Variants in PKN2 observed in about 807,000 individuals in gnomAD.
PKN2 encodes the protein protein kinase N2.
Under a neutral mutation model 119.1 loss-of-function variants are expected in PKN2, and 38 were observed. The observed-to-expected ratio is 0.32, with a 90% CI of 0.25 to 0.42. PKN2 has a LOEUF of 0.42. Among genes scored for constraint, PKN2 ranks in the 10% least tolerant of loss-of-function variants. PKN2 has a pLI of 1.00. For missense variants in PKN2, 850 were observed against 1,165.1 expected (o/e 0.73, Z 3.94); for synonymous variants, 390 against 384.9 (o/e 1.01, Z -0.15).
In PKN2 at chr1:88,786,121, T is replaced by C; in HGVS notation, c.1189T>C (p.Leu397=). 6.2e-7 allele frequency: 1 copy of C among 1,609,322 alleles called. No individual in the cohort carries two copies. Among genetic ancestry groups the C allele is most frequent in the Non-Finnish European group, 8.5e-7 (1 of 1,175,818 alleles). The change falls in exon 8 of 22, where the codon TTG becomes CTG. Residue 397 remains leucine (L), a synonymous_variant. Transcript: ENST00000370521. ...DDLSNDVCAV[L]KLDNTVVGQT... ...AATTACAGATGATGTCTGTGCTGTT[T>C]TGAAGCTCGATAATACTGTGGTTGG... is the stretch of plus-strand genomic sequence containing the variant.
chr1:88,767,994 C>T (rs868245962), intron 3 of PKN2, among the ~76,000 whole-genome samples: 1 of 152,198 alleles, frequency 6.6e-6, no homozygotes. Context: ...CTATTTTATC[C>T]AAATTAGTAC....
intron 13 of PKN2, 29 bp downstream of exon 13, chr1:88,807,472 TAC>T: frequency 6.2e-7 from 1 of 1,605,404 alleles, no homozygotes; most frequent in Non-Finnish European, 8.5e-7. Flanking sequence ...ATTTTGCGAC[TAC>T]ATGTTTGGTA....
chr1:88,716,198 G>T (rs1209856420), intron 1 of PKN2, among the ~76,000 whole-genome samples: 1 of 152,184 alleles, frequency 6.6e-6, no homozygotes, highest in Non-Finnish European at 1.5e-5. Context: ...TTGCTGAGGA[G>T]TGCTTTACTT....
chr1:88,767,863 C>T (rs934544338), intron 3 of PKN2, among the ~76,000 whole-genome samples: 3 of 152,074 alleles, frequency 2.0e-5, no homozygotes, highest in African/African-American at 7.2e-5. Flanking sequence ...CAATCTCTTT[C>T]TTCTTTATTC....
In PKN2 at chr1:88,735,643, A is replaced by G. The variant is rs114750845; in HGVS notation, c.49-5345A>G. On this transcript the variant is annotated intron_variant, in intron 1 of 21. Coordinates refer to ENST00000370521, the MANE Select transcript of PKN2 (RefSeq NM_006256.4). ...CCCCCAATCTTTTTTTTTCTTTAAC[A>G]ATTTGAATATATCATCTCACTCATC... 9.7e-3 allele frequency among the ~76,000 whole-genome samples: 1,070 copies of G among 109,924 alleles called. 7 individuals are homozygous for G. The highest frequency in any genetic ancestry group is 0.02 in the Middle Eastern group (2 of 98). The allele number at this position is 109,924 out of a possible 152,430, so 72.1% of individuals were successfully genotyped here. A position where few individuals can be genotyped will look rare whatever the true frequency, so the allele number is the denominator to read the frequency against.
chr1:88,781,180 C>T (rs1201979944), intron 6 of PKN2: 23 of 1,275,026 alleles, frequency 1.8e-5, no homozygotes, highest in Non-Finnish European at 2.3e-5. Context: ...ATTTGCTGTT[C>T]TGAATTTTTC....
At chr1:88,746,748 T>G (rs888293634) in intron 2 of PKN2, among the ~76,000 whole-genome samples, 1 of 152,138 alleles carries the variant, frequency 6.6e-6, no homozygotes, top group African/African-American at 2.4e-5. Flanking sequence ...CAGCAATTCC[T>G]CTTCTGGGTA....
chr1:88,810,057 T>A (rs1671717893), intron 15 of PKN2, among the ~76,000 whole-genome samples: 1 of 151,724 alleles, frequency 6.6e-6, no homozygotes, highest in African/African-American at 2.4e-5. Context: ...GAAAAAGGAG[T>A]ACTTTTAAAT....
In PKN2 at chr1:88,758,125, T is replaced by C. The variant is rs529914550; in HGVS notation, c.350-2097T>C. ...TAGATGGTTCTTTCTGAAGTTTTAT[T>C]TATTTATTTTTGCAAAATGAAAATT... On this transcript the variant is annotated intron_variant, in intron 2 of 21. Coordinates refer to ENST00000370521, the MANE Select transcript of PKN2 (RefSeq NM_006256.4). Among the ~76,000 whole-genome samples, 25 of 152,064 alleles carry C rather than the reference T, an allele frequency of 1.6e-4. No homozygotes were observed. The East Asian group carries it at 4.4e-3, about 27-fold the overall frequency.
At position 88,770,431 on chromosome 1, in the gene PKN2, T is replaced by G; in HGVS notation, c.584T>G (p.Leu195Arg). The stretch of plus-strand genomic sequence containing the variant: ...ATAGAAGTCATACGAATGCAGATTC[T>G]TCAGGCAGTCCAGACTAATGAATTG... ...TKIEVIRMQI[L>R]QAVQTNELAF... The change falls in exon 4 of 22, where the codon CTT becomes CGT. Residue 195 changes from leucine to arginine, a missense_variant. Physicochemically the swap from Leu to Arg is moderately radical, Grantham distance 102. This residue lies in a region of PKN2 where 350 missense variants were observed against 511.1 expected (regional missense o/e 0.68). Coordinates refer to ENST00000370521, the MANE Select transcript of PKN2 (RefSeq NM_006256.4). 6.2e-7 allele frequency: 1 copy of G among 1,611,844 alleles called. No homozygotes were observed. The highest frequency in any genetic ancestry group is 8.5e-7 in the Non-Finnish European group (1 of 1,177,874).
At chr1:88,722,922 AAGGTGTGATG>A (rs1168015570) in intron 1 of PKN2, among the ~76,000 whole-genome samples, 1 of 152,148 alleles carries the variant, frequency 6.6e-6, no homozygotes, top group Non-Finnish European at 1.5e-5. Context: ...CAAATAAATA[AAGGTGTGATG>A]AGGGATATGA....
chr1:88,827,060 A>G (rs1672527709), intron 18 of PKN2, among the ~76,000 whole-genome samples: 1 of 152,130 alleles, frequency 6.6e-6, no homozygotes, highest in South Asian at 2.1e-4. Context: ...TTTCTATTTT[A>G]TAGTCACTAT....
intron 8 of PKN2, among the ~76,000 whole-genome samples, chr1:88,797,214 A>G (rs1183818669): frequency 6.6e-6 from 1 of 151,922 alleles, no homozygotes; most frequent in Non-Finnish European, 1.5e-5. Context: ...AGCGCCTGTA[A>G]TCCTAGCTAC....
chr1:88,748,787 T>C (rs1668873708), intron 2 of PKN2, among the ~76,000 whole-genome samples: 2 of 151,984 alleles, frequency 1.3e-5, no homozygotes, highest in South Asian at 4.2e-4. Context: ...ATTTAAAAAT[T>C]AGCCAAGTAT....
intron 8 of PKN2, among the ~76,000 whole-genome samples, chr1:88,791,897 C>A (rs191424527): frequency 6.6e-6 from 1 of 152,178 alleles, no homozygotes; most frequent in Non-Finnish European, 1.5e-5. Context: ...AGCCACCATA[C>A]CTGGTCACAG....
chr1:88,700,584 A>G (rs149690845), intron 1 of PKN2, among the ~76,000 whole-genome samples: 37 of 152,316 alleles, frequency 2.4e-4, no homozygotes, highest in African/African-American at 8.2e-4. Flanking sequence ...CACTCAGTCT[A>G]TTAACATTAG....
At chr1:88,766,571 T>C (rs1038621680) in intron 3 of PKN2, among the ~76,000 whole-genome samples, 1 of 152,238 alleles carries the variant, frequency 6.6e-6, no homozygotes, top group Non-Finnish European at 1.5e-5. Flanking sequence ...TTCATTACTT[T>C]AGTGTGTTAG....
intron 1 of PKN2, among the ~76,000 whole-genome samples, chr1:88,688,965 A>G (rs754662796): frequency 6.6e-6 from 1 of 152,212 alleles, no homozygotes; most frequent in East Asian, 1.9e-4. Flanking sequence ...TAAAAGTACA[A>G]AAGGGATTTC....
chr1:88,827,713 A>G (rs1233004576), intron 18 of PKN2, among the ~76,000 whole-genome samples: 1 of 131,198 alleles, frequency 7.6e-6, no homozygotes, highest in Non-Finnish European at 1.6e-5. Flanking sequence ...AGATATATAT[A>G]TGTTTTTTGT....
Sources: gnomAD v4.1 joint callset for allele counts (sites outside exome capture counted in the v4.1 genomes callset) on GRCh38, gnomAD v4.1.1 for gene constraint, gnomAD v4.1.1 regional missense constraint, MANE v1.5 for transcripts, NCBI Gene and HGNC (gene_info 2026-07-23, HGNC 2026-07-21) for gene names.